The following TMEM225B variants were observed in gnomAD, a reference collection of about 807,000 sequenced individuals.
The protein encoded by TMEM225B is transmembrane protein 225B.
In TMEM225B, 10 loss-of-function variants were observed where a neutral mutation model predicts 16.9. That is an observed-to-expected ratio of 0.59 (90% CI 0.36 to 1.00). TMEM225B has a LOEUF of 1.00. TMEM225B is among the 50% of genes least tolerant of loss of function. The pLI is 0.01. For synonymous variants in TMEM225B, 92 were observed against 109.8 expected, an observed-to-expected ratio of 0.84 and a Z score of 1.01; for missense variants, 217 against 267.0, an observed-to-expected ratio of 0.81 and a Z score of 1.30.
intron 2 of TMEM225B, among the ~76,000 whole-genome samples, chr7:99,602,071 G>C (rs1805420705): frequency 6.6e-6 from 1 of 152,228 alleles, no homozygotes; most frequent in Admixed American, 6.5e-5. Context: ...CTTTGGGTAG[G>C]ACTTGGAAAG....
Position 99,601,969 on chromosome 7 carries a change from G to A in TMEM225B, c.-4+1684G>A, listed in dbSNP as rs758865526. Among the ~76,000 whole-genome samples, 11 of 152,206 alleles carry A rather than the reference G, an allele frequency of 7.2e-5. No individual in the cohort carries two copies. In the East Asian group the frequency reaches 1.5e-3, roughly 21 times the overall value. ...CAGGGGAGGAAAGCATGCTCACTTC[G>A]AGGGCCTTGTGCTCTCTACTGCCCA... On this transcript the variant is annotated intron_variant, in intron 2 of 5. Coordinates refer to ENST00000431679, the MANE Select transcript of TMEM225B (RefSeq NM_001195541.3).
chr7:99,608,858 TAC>T (rs1554405762), intron 5 of TMEM225B, among the ~76,000 whole-genome samples: 1 of 144,380 alleles, frequency 6.9e-6, no homozygotes, highest in Non-Finnish European at 1.5e-5. Context: ...TATATATATA[TAC>T]ACACACACAT....
chr7:99,608,062 C>T (rs1022621560), intron 5 of TMEM225B, among the ~76,000 whole-genome samples: 3 of 152,214 alleles, frequency 2.0e-5, no homozygotes, highest in Non-Finnish European at 4.4e-5. Context: ...TGAGACCAGC[C>T]TGGCCAACAT....
At chr7:99,610,325 G>C (rs1413711517) in intron 5 of TMEM225B, 68 bp from the exon 6 acceptor site, 2 of 1,242,470 alleles carry the variant, frequency 1.6e-6, no homozygotes, top group Non-Finnish European at 1.1e-6. Flanking sequence ...GAGCTAGAGG[G>C]ACCTGACCTC....
chr7:99,609,718 G>A (rs1243397351), intron 5 of TMEM225B, among the ~76,000 whole-genome samples: 1 of 151,104 alleles, frequency 6.6e-6, no homozygotes, highest in Non-Finnish European at 1.5e-5. Flanking sequence ...ACAGGTGTGA[G>A]CCACCGCGCC....
chr7:99,599,329 A>G (rs569495004), intron 1 of TMEM225B, among the ~76,000 whole-genome samples: 16 of 152,012 alleles, frequency 1.1e-4, no homozygotes, highest in African/African-American at 3.9e-4. Flanking sequence ...CATGCCTGTA[A>G]TTTCAGCACT....
rs556781164 is a variant in TMEM225B, at chr7:99,603,032, A to G, written c.-3-1354A>G. 2.6e-5 allele frequency among the ~76,000 whole-genome samples: 4 copies of G among 152,306 alleles called. No homozygotes were observed. In the East Asian group the frequency reaches 7.7e-4, roughly 29 times the overall value. ...CCAGTGACTGGCCACAAAAGGAGAC[A>G]TCTTAGTGACAGATGGTGATGAAAG... On this transcript the variant is annotated intron_variant, in intron 2 of 5. Coordinates refer to ENST00000431679, the MANE Select transcript of TMEM225B (RefSeq NM_001195541.3).
intron 5 of TMEM225B, among the ~76,000 whole-genome samples, chr7:99,609,779 G>A (rs1177949653): frequency 1.3e-5 from 2 of 152,078 alleles, no homozygotes; most frequent in South Asian, 4.1e-4. Context: ...CTGTCGCCCA[G>A]GCTGGAGGGC....
chr7:99,603,961 C>T (rs1175592139), intron 2 of TMEM225B, among the ~76,000 whole-genome samples: 2 of 151,936 alleles, frequency 1.3e-5, no homozygotes, highest in Non-Finnish European at 2.9e-5. Context: ...CGCCATGTTG[C>T]CCAGGCTGGT....
chr7:99,607,191 C>T (rs1337588526), intron 4 of TMEM225B, among the ~76,000 whole-genome samples: 2 of 151,796 alleles, frequency 1.3e-5, no homozygotes, highest in Admixed American at 6.6e-5. Flanking sequence ...ATGGGGATCT[C>T]GCTATGTTGC....
intron 1 of TMEM225B, among the ~76,000 whole-genome samples, chr7:99,598,727 C>G (rs1805066444): frequency 6.6e-6 from 1 of 152,166 alleles, no homozygotes; most frequent in Non-Finnish European, 1.5e-5. Flanking sequence ...AAGGGAAGGT[C>G]TCTTTCCCAT....
chr7:99,606,683 T>C, intron 3 of TMEM225B, 65 bp from the exon 4 acceptor site: 1 of 1,484,846 alleles, frequency 6.7e-7, no homozygotes, highest in Non-Finnish European at 9.0e-7. Context: ...GCCCAGGCTC[T>C]GAGGGACTCT....
chr7:99,607,768 T>C lies in TMEM225B; in HGVS notation c.451T>C (p.Tyr151His), dbSNP rs1331793015. 3 of 1,535,990 alleles carry C rather than the reference T, an allele frequency of 2.0e-6. No homozygotes were observed. The highest frequency in any genetic ancestry group is 2.6e-6 in the Non-Finnish European group (3 of 1,146,902). Residue 151 changes from tyrosine (Y) to histidine (H), a missense_variant, in exon 5 of 6, where the codon TAC becomes CAC. By Grantham distance (83) the Tyr-to-His change is moderately conservative. Coordinates refer to ENST00000431679, the MANE Select transcript of TMEM225B (RefSeq NM_001195541.3). ...GPLQFSVLWP[Y>H]YVLGFGIFLF... ...CCTGCAGTTCTCCGTGCTGTGGCCTTACTACGTGCTGGGCTTCGGCATCTT... is the reference window on the plus strand; with the variant it reads ...CCTGCAGTTCTCCGTGCTGTGGCCTCACTACGTGCTGGGCTTCGGCATCTT...
At chr7:99,605,847 C>T (rs1805764681) in intron 3 of TMEM225B, among the ~76,000 whole-genome samples, 1 of 152,160 alleles carries the variant, frequency 6.6e-6, no homozygotes. Context: ...GTCAGCCTCC[C>T]AAAGTGTTGA....
intron 2 of TMEM225B, among the ~76,000 whole-genome samples, chr7:99,602,264 T>C (rs1398772349): frequency 6.6e-6 from 1 of 152,210 alleles, no homozygotes; most frequent in Non-Finnish European, 1.5e-5. Flanking sequence ...TGGATAACTC[T>C]CATTCCTCAG....
intron 4 of TMEM225B, among the ~76,000 whole-genome samples, chr7:99,607,394 A>G (rs550838746): frequency 7.9e-5 from 12 of 152,300 alleles, no homozygotes; most frequent in African/African-American, 1.7e-4. Context: ...CATTTAATCC[A>G]AAGTGTTGCA....
chr7:99,601,624 G>C (rs1805368751), intron 2 of TMEM225B, among the ~76,000 whole-genome samples: 1 of 152,210 alleles, frequency 6.6e-6, no homozygotes, highest in Non-Finnish European at 1.5e-5. Context: ...AGAGAAACTA[G>C]AGAATGTCAG....
intron 1 of TMEM225B, among the ~76,000 whole-genome samples, chr7:99,599,390 A>T (rs1379912827): frequency 6.6e-6 from 1 of 152,002 alleles, no homozygotes; most frequent in African/African-American, 2.4e-5. Context: ...TGCCTGGGCA[A>T]CATAGCAAGA....
At chr7:99,602,111 T>C (rs151281625) in intron 2 of TMEM225B, among the ~76,000 whole-genome samples, 1 of 152,200 alleles carries the variant, frequency 6.6e-6, no homozygotes, top group Non-Finnish European at 1.5e-5. Flanking sequence ...TGCACCTCCC[T>C]TGTCACATCT....
Sources: gnomAD v4.1 joint callset for allele counts (sites outside exome capture counted in the v4.1 genomes callset) on GRCh38, gnomAD v4.1.1 for gene constraint, MANE v1.5 for transcripts, NCBI Gene and HGNC (gene_info 2026-07-23, HGNC 2026-07-21) for gene names.